The following DDA1 variants were observed in gnomAD, a reference collection of about 807,000 sequenced individuals.
DDA1 encodes DET1- and DDB1-associated protein 1.
Under a neutral mutation model 18.6 loss-of-function variants are expected in DDA1, and 3 were observed. That is an observed-to-expected ratio of 0.16 (90% CI 0.07 to 0.42). The LOEUF is 0.42. DDA1 is among the 10% of genes least tolerant of loss of function. The pLI is 0.99. For synonymous variants in DDA1, 52 were observed against 54.0 expected, an observed-to-expected ratio of 0.96 and a Z score of 0.17; for missense variants, 105 against 138.2, an observed-to-expected ratio of 0.76 and a Z score of 1.20.
At position 17,318,603 on chromosome 19, in the gene DDA1, G is replaced by A. The variant is rs137865221; in HGVS notation, c.199-943G>A. On this transcript the variant is annotated intron_variant, in intron 4 of 4. Coordinates refer to ENST00000359866, the MANE Select transcript of DDA1 (RefSeq NM_024050.6). ...GCTAGTCTCGAACTCCTGACTTGAA[G>A]TGATCCACCCACCTCGGCCTCCCAA... is the stretch of plus-strand genomic sequence containing the variant. 9.0e-3 allele frequency among the ~76,000 whole-genome samples: 1,370 copies of A among 152,206 alleles called. 6 individuals carry two copies. The highest frequency in any genetic ancestry group is 0.012 in the Non-Finnish European group (842 of 68,004).
Position 17,315,968 on chromosome 19 carries a change from C to T in DDA1, c.171C>T (p.Arg57=). The change falls in exon 4 of 5, where the codon CGC becomes CGT. Residue 57 remains arginine, a synonymous_variant. Coordinates refer to ENST00000359866, the MANE Select transcript of DDA1 (RefSeq NM_024050.6). ...IVTEKTNILL[R]YLHQQWDKKN... ...CAGAAAAGACAAACATCCTCCTGCG[C>T]TACCTGCATCAGCAATGGGACAAAA... 6.2e-7 allele frequency: 1 copy of T among 1,614,194 alleles called. No homozygotes were observed. Among genetic ancestry groups the T allele is most frequent in the Non-Finnish European group, 8.5e-7 (1 of 1,180,026 alleles).
At chr19:17,312,482 AG>A (rs1165028825) in intron 1 of DDA1, among the ~76,000 whole-genome samples, 1 of 151,984 alleles carries the variant, frequency 6.6e-6, no homozygotes, top group African/African-American at 2.4e-5. Flanking sequence ...TGTGTGGCAG[AG>A]GGTGTGTATG....
rs186265133 is a variant in DDA1, at chr19:17,322,176, G to A, written c.*2520G>A. On this transcript the variant is annotated 3_prime_UTR_variant, in exon 5 of 5. Transcript: ENST00000359866. ...CTCCTGCCTGTGCTGTCTGCCCGTC[G>A]CTCTGCAGGGCTGCTGGGCGGGCAC... 73 of 153,342 alleles carry A rather than the reference G, an allele frequency of 4.8e-4. No homozygotes were observed. The highest frequency in any genetic ancestry group is 6.6e-3 in the Middle Eastern group (2 of 302). The allele number at this position is 153,342 out of a possible 1,614,324, so 9.5% of individuals were successfully genotyped here. A position where few individuals can be genotyped will look rare whatever the true frequency, so the allele number is the denominator to read the frequency against.
intron 4 of DDA1, among the ~76,000 whole-genome samples, chr19:17,319,265 G>GC (rs1459639329): frequency 6.6e-6 from 1 of 152,168 alleles, no homozygotes; most frequent in Non-Finnish European, 1.5e-5. Flanking sequence ...GGACCCTGGG[G>GC]CCCCCCACTG....
rs997574798 is a variant in DDA1, at chr19:17,316,437, G to A, written c.198+442G>A. On this transcript the variant is annotated intron_variant, in intron 4 of 4. Transcript: ENST00000359866. ...TCTACTAAAAATACAAAAATTAGCT[G>A]GGCGTGGTGGCACGTGACTGTAATC... Among the ~76,000 whole-genome samples, 43 of 151,598 alleles carry A rather than the reference G, an allele frequency of 2.8e-4. 1 individual carries two copies. The highest frequency in any genetic ancestry group is 2.7e-3 in the Admixed American group (41 of 15,202).
At chr19:17,309,737 C>G in intron 1 of DDA1, 80 bp downstream of exon 1, 1 of 1,538,622 alleles carries the variant, frequency 6.5e-7, no homozygotes, top group Non-Finnish European at 8.8e-7. Context: ...TAGTATCCCC[C>G]TAGGCCCCTC....
At chr19:17,319,038 G>C (rs557771033) in intron 4 of DDA1, among the ~76,000 whole-genome samples, 1 of 152,100 alleles carries the variant, frequency 6.6e-6, no homozygotes, top group South Asian at 2.1e-4. Context: ...GTTGATGTGC[G>C]GCATCCCCAG....
intron 1 of DDA1, among the ~76,000 whole-genome samples, chr19:17,311,166 G>GT (rs369590586): frequency 0.013 from 1,953 of 145,616 alleles, 36 homozygotes; most frequent in African/African-American, 0.043. Flanking sequence ...GAAGGAGGTT[G>GT]TTTTTTTTTT....
chr19:17,316,504 A>C (rs916727607), intron 4 of DDA1, among the ~76,000 whole-genome samples: 7 of 149,652 alleles, frequency 4.7e-5, no homozygotes, highest in African/African-American at 1.7e-4. Context: ...CGCTTGAACC[A>C]GGGAGGCGGA....
intron 1 of DDA1, among the ~76,000 whole-genome samples, chr19:17,309,884 C>T (rs2074170529): frequency 6.6e-6 from 1 of 152,040 alleles, no homozygotes; most frequent in Non-Finnish European, 1.5e-5. Context: ...TCCAGGATAC[C>T]AAGCCCTGAC....
rs757606453 is a variant in DDA1 at position 17,309,604 on chromosome 19, CGGCGGT to C, written c.-48_-43del. ...GCGGCTAAGAAGGCGGCTCTGGTGGCGGCGGTGGAGGCTGAGGCGGCGGCCGAGGCG... is the reference window on the plus strand; with the variant it reads ...GCGGCTAAGAAGGCGGCTCTGGTGGCGGAGGCTGAGGCGGCGGCCGAGGCG... On this transcript the variant is annotated 5_prime_UTR_variant, in exon 1 of 5. Coordinates refer to ENST00000359866, the MANE Select transcript of DDA1 (RefSeq NM_024050.6). 7 of 1,597,586 alleles carry C rather than the reference CGGCGGT, an allele frequency of 4.4e-6. No homozygotes were observed. Among genetic ancestry groups the C allele is most frequent in the Middle Eastern group, 1.7e-4 (1 of 5,928 alleles).
chr19:17,316,613 G>A (rs1021613764), intron 4 of DDA1, among the ~76,000 whole-genome samples: 3 of 151,602 alleles, frequency 2.0e-5, no homozygotes, highest in African/African-American at 7.3e-5. Context: ...GGTGGCTCAC[G>A]CCTGTAATCC....
chr19:17,315,409 CGTGT>C (rs781595425), intron 3 of DDA1, among the ~76,000 whole-genome samples: 8 of 43,528 alleles, frequency 1.8e-4, no homozygotes, highest in African/African-American at 2.2e-4. Context: ...TATATACATA[CGTGT>C]GTGTGTGTGT....
intron 1 of DDA1, among the ~76,000 whole-genome samples, chr19:17,313,546 G>T (rs1393624383): frequency 6.8e-6 from 1 of 147,852 alleles, no homozygotes; most frequent in Admixed American, 6.9e-5. Flanking sequence ...GAGTTCAAGC[G>T]ATTCTCCAGC....
At chr19:17,311,030 A>G (rs1214721039) in intron 1 of DDA1, among the ~76,000 whole-genome samples, 2 of 151,784 alleles carry the variant, frequency 1.3e-5, no homozygotes, top group Admixed American at 6.6e-5. Flanking sequence ...TCATTTTTGT[A>G]CTTTTTGGAG....
intron 1 of DDA1, chr19:17,310,049 C>T (rs868206784): frequency 4.2e-6 from 1 of 236,800 alleles, no homozygotes; most frequent in Admixed American, 5.7e-5. Flanking sequence ...GGCCCCGGGG[C>T]GGGGGAGGGG....
Position 17,319,737 on chromosome 19 carries a change from G to A in DDA1, c.*81G>A, listed in dbSNP as rs929959340. 18 of 1,175,568 alleles carry A rather than the reference G, an allele frequency of 1.5e-5. No homozygotes were observed. The highest frequency in any genetic ancestry group is 7.0e-5 in the African/African-American group (4 of 57,270). 72.8% of individuals were successfully genotyped at this position (1,175,568 alleles called of 1,614,324 possible). Reference sequence around the variant, plus strand: ...CCTGCCCGCCATGTGTAAGCACCCCGCCCGCCCGCCTCCCTGCCGGCCCAT... The same window carrying A: ...CCTGCCCGCCATGTGTAAGCACCCCACCCGCCCGCCTCCCTGCCGGCCCAT... On this transcript the variant is annotated 3_prime_UTR_variant, in exon 5 of 5. Coordinates refer to ENST00000359866, the MANE Select transcript of DDA1 (RefSeq NM_024050.6).
intron 4 of DDA1, among the ~76,000 whole-genome samples, 196 bp downstream of exon 4, chr19:17,316,191 A>G (rs2074212043): frequency 6.6e-6 from 1 of 152,184 alleles, no homozygotes. Flanking sequence ...ACAGGACACC[A>G]GTGCTCAGGA....
At chr19:17,318,529 C>A (rs2074224541) in intron 4 of DDA1, among the ~76,000 whole-genome samples, 1 of 151,998 alleles carries the variant, frequency 6.6e-6, no homozygotes, top group Non-Finnish European at 1.5e-5. Context: ...CCATGCCTGG[C>A]CTAATTTTTG....
Sources: gnomAD v4.1 joint callset for allele counts (sites outside exome capture counted in the v4.1 genomes callset) on GRCh38, gnomAD v4.1.1 for gene constraint, MANE v1.5 for transcripts, NCBI Gene and HGNC (gene_info 2026-07-23, HGNC 2026-07-21) for gene names.